CFAP54: variants seen among roughly 807,000 people sequenced by gnomAD.
CFAP54 encodes cilia- and flagella-associated protein 54.
A neutral mutation model predicts 370.4 loss-of-function variants in CFAP54; 290 were observed. The ratio of observed to expected loss-of-function variants is 0.78; its 90% confidence interval spans 0.71 to 0.86. The LOEUF is 0.86. CFAP54 is among the 40% of genes least tolerant of loss of function. The pLI is 0.00. For synonymous variants in CFAP54, 1,206 were observed against 1,236.5 expected, an observed-to-expected ratio of 0.98 and a Z score of 0.52; for missense variants, 3,399 against 3,528.7, an observed-to-expected ratio of 0.96 and a Z score of 0.93.
rs1300789869 is a variant in CFAP54, at chr12:96,647,973, A to G, written c.4646A>G (p.Asp1549Gly). ...LTVENYKAML[D>G]FLLTAKKRKA... ...GTAGAAAATTATAAAGCAATGCTTG[A>G]TTTCCTTCTTACAGCCAAAAAAAGA... Residue 1549 changes from aspartate to glycine, a missense_variant, in exon 34 of 68, where the codon GAT becomes GGT. Physicochemically the swap from Asp to Gly is moderately conservative, Grantham distance 94. This residue lies in a region of CFAP54 where 2,796 missense variants were observed against 2,869.7 expected (regional missense o/e 0.97). Transcript: ENST00000524981. 1 of 1,522,180 alleles carries G rather than the reference A, an allele frequency of 6.6e-7. No homozygotes were observed. The highest frequency in any genetic ancestry group is 8.7e-7 in the Non-Finnish European group (1 of 1,143,182). The allele number at this position is 1,522,180 out of a possible 1,614,324, so 94.3% of individuals were successfully genotyped here. A position where few individuals can be genotyped will look rare whatever the true frequency, so the allele number is the denominator to read the frequency against.
chr12:96,664,755 CTATATA>C (rs1163944647), intron 39 of CFAP54, among the ~76,000 whole-genome samples: 7,570 of 78,656 alleles, frequency 0.096, 864 homozygotes, highest in African/African-American at 0.17. Context: ...ATATATATAT[CTATATA>C]TATCTATATC....
At chr12:96,547,881 C>T (rs1955657129) in intron 14 of CFAP54, 21 bp from the exon 15 acceptor site, 3 of 1,334,658 alleles carry the variant, frequency 2.2e-6, no homozygotes, top group African/African-American at 3.0e-5. Context: ...TCATTCCCTT[C>T]CTCCTTCCTT....
At chr12:96,605,570 G>C (rs950862531) in intron 26 of CFAP54, among the ~76,000 whole-genome samples, 1 of 152,230 alleles carries the variant, frequency 6.6e-6, no homozygotes, top group Non-Finnish European at 1.5e-5. Context: ...ATAGGCAAGA[G>C]TGTGGTCAGA....
chr12:96,609,937 T>G, intron 26 of CFAP54, among the ~76,000 whole-genome samples: 1 of 152,230 alleles, frequency 6.6e-6, no homozygotes. Flanking sequence ...GTAGACTTAT[T>G]GTCACAGAAG....
chr12:96,817,431 T>C (rs922381230), intron 64 of CFAP54, among the ~76,000 whole-genome samples: 1 of 61,590 alleles, frequency 1.6e-5, no homozygotes, highest in Non-Finnish European at 3.4e-5. Context: ...CCTTTCTTTC[T>C]TTTTTTTTTT....
intron 4 of CFAP54, among the ~76,000 whole-genome samples, chr12:96,510,013 C>G (rs1409611443): frequency 6.6e-6 from 1 of 151,948 alleles, no homozygotes; most frequent in East Asian, 1.9e-4. Context: ...CATGGTGGCT[C>G]ACGCCTGTAA....
chr12:96,721,137 A>G (rs1460550320), intron 50 of CFAP54, among the ~76,000 whole-genome samples: 2 of 152,196 alleles, frequency 1.3e-5, no homozygotes, highest in Non-Finnish European at 2.9e-5. Flanking sequence ...TTTTTTATAC[A>G]TTTAATTTAC....
intron 14 of CFAP54, among the ~76,000 whole-genome samples, chr12:96,544,065 A>C (rs1424490959): frequency 6.6e-6 from 1 of 152,164 alleles, no homozygotes; most frequent in East Asian, 1.9e-4. Context: ...AGGGGCACCC[A>C]TCCTAAATCC....
At chr12:96,651,886 T>G in intron 36 of CFAP54, 71 bp downstream of exon 36, 1 of 916,626 alleles carries the variant, frequency 1.1e-6, no homozygotes, top group South Asian at 1.8e-5. Flanking sequence ...TTGGTATAAG[T>G]AGAAACTGTT....
Position 96,743,507 on chromosome 12 carries a change from T to A in CFAP54, c.7325T>A (p.Ile2442Asn). The change falls in exon 53 of 68, where the codon ATT (isoleucine) becomes AAT (asparagine). Residue 2442 changes from isoleucine (I) to asparagine (N), a missense_variant. Around this residue, in one of 3 missense-constraint regions of CFAP54, gnomAD observed 2,796 missense variants for 2,869.7 expected, o/e 0.97. Coordinates refer to ENST00000524981, the MANE Select transcript of CFAP54 (RefSeq NM_001306084.2). ...LQAEFLTQAV[I>N]LGLQEKHLKA... ...GCTGAATTCTTGACGCAAGCTGTAA[T>A]TCTTGGCCTACAAGAAAAGCATTTA... 1 of 1,614,092 alleles carries A rather than the reference T, an allele frequency of 6.2e-7. No homozygotes were observed. Among genetic ancestry groups the A allele is most frequent in the Non-Finnish European group, 8.5e-7 (1 of 1,179,992 alleles).
At chr12:96,700,653 T>C (rs1592715081) in intron 46 of CFAP54, among the ~76,000 whole-genome samples, 2 of 152,314 alleles carry the variant, frequency 1.3e-5, no homozygotes, top group Middle Eastern at 6.8e-3. Context: ...GAAGCATCCT[T>C]GAAAATGAAT....
chr12:96,724,882 C>T (rs1038101385), intron 50 of CFAP54, among the ~76,000 whole-genome samples: 10 of 152,310 alleles, frequency 6.6e-5, no homozygotes, highest in African/African-American at 2.2e-4. Context: ...CCAGTTTCAG[C>T]TTTCTCCATA....
chr12:96,739,234 T>C (rs539807539), intron 50 of CFAP54, among the ~76,000 whole-genome samples: 3 of 152,328 alleles, frequency 2.0e-5, no homozygotes, highest in Admixed American at 1.3e-4. Context: ...ATTTTGAATT[T>C]TGTTTTGGAA....
intron 38 of CFAP54, among the ~76,000 whole-genome samples, chr12:96,661,866 G>T (rs986417886): frequency 4.6e-5 from 7 of 152,120 alleles, no homozygotes; most frequent in African/African-American, 1.7e-4. Flanking sequence ...CTTAGATGAA[G>T]AATACAATTT....
rs71758359 is a variant in CFAP54 at position 96,755,666 on chromosome 12, C to CT, written c.7841-773dup. Among the ~76,000 whole-genome samples, 98 of 88,016 alleles carry CT rather than the reference C, an allele frequency of 1.1e-3. 1 individual carries two copies. Among genetic ancestry groups the CT allele is most frequent in the Non-Finnish European group, 1.8e-3 (79 of 44,368 alleles). 57.7% of individuals were successfully genotyped at this position (88,016 alleles called of 152,430 possible). On this transcript the variant is annotated intron_variant, in intron 56 of 67. Coordinates refer to ENST00000524981, the MANE Select transcript of CFAP54 (RefSeq NM_001306084.2). ...ATATCACATTTTCTTTTCTTTTTTCCTTTTTTTTTTTTTTTTTTTGAGACT... is the reference window on the plus strand; with the variant it reads ...ATATCACATTTTCTTTTCTTTTTTCCTTTTTTTTTTTTTTTTTTTTGAGACT...
intron 47 of CFAP54, among the ~76,000 whole-genome samples, chr12:96,705,213 T>C (rs1957535037): frequency 6.6e-6 from 1 of 152,192 alleles, no homozygotes; most frequent in South Asian, 2.1e-4. Context: ...TTTTATTTTT[T>C]TAAGTGCTAG....
At chr12:96,861,831 AG>A (rs1300928237) in intron 67 of CFAP54, among the ~76,000 whole-genome samples, 2 of 152,200 alleles carry the variant, frequency 1.3e-5, no homozygotes, top group African/African-American at 4.8e-5. Context: ...AAATTGGAAA[AG>A]GACCGTGCAT....
intron 66 of CFAP54, among the ~76,000 whole-genome samples, chr12:96,839,489 G>A (rs920256948): frequency 2.6e-5 from 4 of 152,332 alleles, no homozygotes; most frequent in Admixed American, 1.3e-4. Context: ...CTGCAATAAT[G>A]CAAGTGCAAG....
intron 63 of CFAP54, among the ~76,000 whole-genome samples, chr12:96,806,159 A>AATAT (rs548500750): frequency 0.012 from 340 of 27,562 alleles, 7 homozygotes; most frequent in Middle Eastern, 0.042. Context: ...TCACTAGCCA[A>AATAT]ATATATATAT....
Sources: allele counts gnomAD v4.1 joint callset (sites outside exome capture counted in the v4.1 genomes callset), GRCh38; gene constraint gnomAD v4.1.1; regional missense constraint gnomAD v4.1.1; transcripts MANE v1.5; gene names NCBI Gene and HGNC (gene_info 2026-07-23, HGNC 2026-07-21).